Variants in TCF7 observed in about 807,000 individuals in gnomAD.
TCF7 encodes the protein T-cell-factor-7.
Under a neutral mutation model 46.8 loss-of-function variants are expected in TCF7, and 19 were observed. That is an observed-to-expected ratio of 0.41 (90% CI 0.28 to 0.60). The LOEUF (loss-of-function observed/expected upper bound fraction) is 0.60, where lower values mean the gene tolerates loss of function less well. Among genes scored for constraint, TCF7 ranks in the 20% least tolerant of loss-of-function variants. The probability of loss-of-function intolerance (pLI) is 0.35; values close to 1 mark genes in which losing one functional copy is unlikely to be tolerated. For synonymous variants in TCF7, 245 were observed against 213.4 expected, an observed-to-expected ratio of 1.15 and a Z score of -1.29; for missense variants, 547 against 504.6, an observed-to-expected ratio of 1.08 and a Z score of -0.81.
rs1261338461 is a variant in TCF7 at position 134,146,998 on chromosome 5, C to T, written c.*695C>T. On this transcript the variant is annotated 3_prime_UTR_variant, in exon 10 of 10. Transcript: ENST00000342854. ...AAGCACAAAGCTCAAGATGACAGCTCTTCTAAGGAAATGGAGAAGCTCTGT... is the reference window on the plus strand; with the variant it reads ...AAGCACAAAGCTCAAGATGACAGCTTTTCTAAGGAAATGGAGAAGCTCTGT... The T allele has an allele frequency of 1.2e-5, 2 of 164,090 alleles. No homozygotes were observed. Among genetic ancestry groups the T allele is most frequent in the African/African-American group, 4.8e-5 (2 of 41,590 alleles). The allele number at this position is 164,090 out of a possible 1,614,324, so 10.2% of individuals were successfully genotyped here. A position where few individuals can be genotyped will look rare whatever the true frequency, so the allele number is the denominator to read the frequency against.
At position 134,114,987 on chromosome 5, in the gene TCF7, G is replaced by A. The variant is rs1755599925; in HGVS notation, c.81G>A (p.Gln27=). The change falls in exon 1 of 10, where the codon CAG becomes CAA. Residue 27 remains glutamine, a synonymous_variant. Transcript: ENST00000342854. ...LGAPDELLAF[Q]DEGEEQDDKS... ...CGCCGGACGAGCTGCTGGCCTTCCA[G>A]GATGAAGGCGAGGAGCAGGACGACA... The A allele has an allele frequency of 1.6e-6, 2 of 1,229,980 alleles. No individual in the cohort carries two copies. The highest frequency in any genetic ancestry group is 3.2e-5 in the African/African-American group (2 of 62,038). The allele number at this position is 1,229,980 out of a possible 1,614,324, so 76.2% of individuals were successfully genotyped here.
At chr5:134,144,043 G>A in intron 9 of TCF7, 1 of 186,578 alleles carries the variant, frequency 5.4e-6, no homozygotes, top group East Asian at 1.4e-4. Flanking sequence ...AGGCCCAGTA[G>A]ACACACAGCC....
At position 134,146,436 on chromosome 5, in the gene TCF7, C is replaced by T; in HGVS notation, c.*133C>T. ...GGTCTCTCCACTGCTCTCAGCCTCCCAACCCCAGGGCCCCCACAGGCCCCC... is the reference window on the plus strand; with the variant it reads ...GGTCTCTCCACTGCTCTCAGCCTCCTAACCCCAGGGCCCCCACAGGCCCCC... On this transcript the variant is annotated 3_prime_UTR_variant, in exon 10 of 10. Transcript: ENST00000342854. The T allele has an allele frequency of 9.0e-7, 1 of 1,114,980 alleles. No homozygotes were observed. The allele number at this position is 1,114,980 out of a possible 1,614,324, so 69.1% of individuals were successfully genotyped here.
chr5:134,123,108 A>T (rs983515666), intron 3 of TCF7, among the ~76,000 whole-genome samples: 6 of 152,236 alleles, frequency 3.9e-5, no homozygotes, highest in Admixed American at 3.9e-4. Context: ...AACACCCAGC[A>T]CACAGTAGGT....
chr5:134,145,442 C>A, intron 9 of TCF7: 1 of 564,282 alleles, frequency 1.8e-6, no homozygotes. Flanking sequence ...AGGGAAAGGG[C>A]TCATGTGTTT....
chr5:134,131,387 C>T (rs1170615471), intron 3 of TCF7, among the ~76,000 whole-genome samples: 1 of 152,222 alleles, frequency 6.6e-6, no homozygotes, highest in Non-Finnish European at 1.5e-5. Flanking sequence ...GTGTGCTTGG[C>T]AAACAGAACA....
At chr5:134,131,150 C>T (rs1184551921) in intron 3 of TCF7, among the ~76,000 whole-genome samples, 1 of 152,150 alleles carries the variant, frequency 6.6e-6, no homozygotes, top group African/African-American at 2.4e-5. Context: ...AGTGATGTGG[C>T]TGGAGCACAG....
chr5:134,114,418 T>C (rs1205610144), upstream of TCF7, among the ~76,000 whole-genome samples: 1 of 151,998 alleles, frequency 6.6e-6, no homozygotes, highest in African/African-American at 2.4e-5. Context: ...AGGAGAAACC[T>C]GGGCGCAGAA....
intron 9 of TCF7, chr5:134,144,145 G>A: frequency 6.2e-6 from 1 of 162,076 alleles, no homozygotes; most frequent in Admixed American, 5.9e-5. Flanking sequence ...ACACCCTGCT[G>A]CAGGCCTCCT....
chr5:134,143,510 G>T, intron 8 of TCF7, 82 bp from the exon 9 acceptor site: 1 of 1,579,844 alleles, frequency 6.3e-7, no homozygotes, highest in Non-Finnish European at 8.7e-7. Flanking sequence ...GAATCCCAGG[G>T]TTACCCAAGC....
Position 134,144,634 on chromosome 5 carries a change from C to A in TCF7, c.1075+994C>A. Reference sequence around the variant, plus strand: ...TTGGCTCTGGGCTCTTGGGCTCCCACTGGGGCTGGCTGTGCCATGGAGAGG... The same window carrying A: ...TTGGCTCTGGGCTCTTGGGCTCCCAATGGGGCTGGCTGTGCCATGGAGAGG... On this transcript the variant is annotated intron_variant, in intron 9 of 9. Coordinates refer to ENST00000342854, the MANE Select transcript of TCF7 (RefSeq NM_003202.5). The A allele has an allele frequency of 2.5e-5, 15 of 611,822 alleles. No individual in the cohort carries two copies. In the South Asian group the frequency reaches 2.9e-4, roughly 12 times the overall value. 37.9% of individuals were successfully genotyped at this position (611,822 alleles called of 1,614,324 possible). A position where few individuals can be genotyped will look rare whatever the true frequency, so the allele number is the denominator to read the frequency against.
At chr5:134,145,179 C>T in intron 9 of TCF7, 1 of 607,248 alleles carries the variant, frequency 1.6e-6, no homozygotes, top group Non-Finnish European at 3.1e-6. Flanking sequence ...ACAGCTCAGC[C>T]ACCACTAAGG....
chr5:134,145,511 A>C, intron 9 of TCF7: 1 of 588,704 alleles, frequency 1.7e-6, no homozygotes, highest in Non-Finnish European at 3.0e-6. Context: ...AAGTGGTTAA[A>C]GTTTCCTCAG....
intron 3 of TCF7, among the ~76,000 whole-genome samples, chr5:134,137,102 G>T (rs75012583): frequency 6.6e-6 from 1 of 152,228 alleles, no homozygotes; most frequent in Admixed American, 6.5e-5. Context: ...TGACTGAATC[G>T]TCTCTTGATA....
upstream of TCF7, among the ~76,000 whole-genome samples, chr5:134,111,064 C>T (rs1580777380): frequency 1.3e-5 from 2 of 152,320 alleles, no homozygotes; most frequent in African/African-American, 2.4e-5. Flanking sequence ...TGGTTCATCT[C>T]GACTGCACTC....
upstream of TCF7, among the ~76,000 whole-genome samples, chr5:134,114,308 C>A (rs1755492667): frequency 6.6e-6 from 1 of 152,024 alleles, no homozygotes; most frequent in Non-Finnish European, 1.5e-5. Flanking sequence ...AAGCACAGGG[C>A]GCATTGGAGC....
At chr5:134,143,565 G>C in intron 8 of TCF7, 27 bp from the exon 9 acceptor site, 1 of 1,614,090 alleles carries the variant, frequency 6.2e-7, no homozygotes, top group Non-Finnish European at 8.5e-7. Context: ...TCCCAGATCT[G>C]AGCATCCCTC....
At chr5:134,132,431 G>A (rs1186959009) in intron 3 of TCF7, among the ~76,000 whole-genome samples, 1 of 152,204 alleles carries the variant, frequency 6.6e-6, no homozygotes, top group African/African-American at 2.4e-5. Context: ...ATCTCTTGGG[G>A]GGCTGTTTCT....
intron 3 of TCF7, among the ~76,000 whole-genome samples, chr5:134,135,195 A>G (rs1303458822): frequency 6.6e-6 from 1 of 152,180 alleles, no homozygotes; most frequent in Non-Finnish European, 1.5e-5. Flanking sequence ...CCTGACCTAA[A>G]GCAGTCCTCC....
Sources: gnomAD v4.1 joint callset for allele counts (sites outside exome capture counted in the v4.1 genomes callset) on GRCh38, gnomAD v4.1.1 for gene constraint, MANE v1.5 for transcripts, NCBI Gene and HGNC (gene_info 2026-07-23, HGNC 2026-07-21) for gene names.